Variants in ARB2A observed in about 807,000 individuals in gnomAD.
ARB2A encodes ARB2 cotranscriptional regulator A, also known as cotranscriptional regulator ARB2A.
the ARB2A span, chr5:93,682,803 G>A: frequency 3.0e-5 from 34 of 1,126,744 alleles, no homozygotes; most frequent in East Asian, 4.7e-5. Context: ...GAAATAAGAC[G>A]GAAAATTTTT....
chr5:94,072,759 C>T, the ARB2A span, among the ~76,000 whole-genome samples: 1 of 152,050 alleles, frequency 6.6e-6, no homozygotes, highest in Non-Finnish European at 1.5e-5. Flanking sequence ...TTAAGAAATG[C>T]AAGAATTCTT....
chr5:93,807,304 A>G, the ARB2A span, among the ~76,000 whole-genome samples: 1 of 151,978 alleles, frequency 6.6e-6, no homozygotes, highest in African/African-American at 2.4e-5. Context: ...GATTTGGTTG[A>G]AAAATGCTCA....
the ARB2A span, among the ~76,000 whole-genome samples, chr5:94,008,929 T>A: frequency 6.6e-6 from 1 of 152,170 alleles, no homozygotes; most frequent in Non-Finnish European, 1.5e-5. Context: ...AATTCATTTC[T>A]TGGCACTTTT....
At chr5:93,839,762 A>G in the ARB2A span, among the ~76,000 whole-genome samples, 1 of 151,770 alleles carries the variant, frequency 6.6e-6, no homozygotes, top group Admixed American at 6.6e-5. Context: ...GGGAGGTTGT[A>G]TATGTCCAGG....
chr5:94,090,404 T>A, the ARB2A span, among the ~76,000 whole-genome samples: 1 of 152,226 alleles, frequency 6.6e-6, no homozygotes, highest in Non-Finnish European at 1.5e-5. Context: ...AAGTTGCTTA[T>A]CAGCTTAAGG....
chr5:93,711,728 T>C, the ARB2A span, among the ~76,000 whole-genome samples: 1 of 152,258 alleles, frequency 6.6e-6, no homozygotes, highest in African/African-American at 2.4e-5. Flanking sequence ...AGCAGCTCGG[T>C]AGCACAGCAG....
the ARB2A span, among the ~76,000 whole-genome samples, chr5:94,050,031 C>T: frequency 6.6e-6 from 1 of 151,956 alleles, no homozygotes. Flanking sequence ...CCTTGACTTC[C>T]TGGGCTCAAG....
the ARB2A span, among the ~76,000 whole-genome samples, chr5:94,073,620 A>G: frequency 1.3e-5 from 2 of 152,136 alleles, no homozygotes; most frequent in East Asian, 3.9e-4. Flanking sequence ...AAGGCTGAAC[A>G]TGCACAAAAT....
the ARB2A span, among the ~76,000 whole-genome samples, chr5:93,657,711 A>C: frequency 1.3e-5 from 2 of 152,178 alleles, no homozygotes; most frequent in Non-Finnish European, 2.9e-5. Context: ...TCCAAGACTC[A>C]CCTGCCTTAT....
At chr5:94,010,028 G>C in the ARB2A span, among the ~76,000 whole-genome samples, 1 of 150,196 alleles carries the variant, frequency 6.7e-6, no homozygotes, top group African/African-American at 2.4e-5. Flanking sequence ...TTATTGCATT[G>C]CTCTCTTCTA....
chr5:93,656,482 C>A, the ARB2A span, among the ~76,000 whole-genome samples: 1 of 152,104 alleles, frequency 6.6e-6, no homozygotes, highest in African/African-American at 2.4e-5. Flanking sequence ...GAATTCAATG[C>A]CACTTTCTGG....
At chr5:93,832,109 C>T in the ARB2A span, among the ~76,000 whole-genome samples, 3 of 152,262 alleles carry the variant, frequency 2.0e-5, no homozygotes, top group East Asian at 3.9e-4. Flanking sequence ...GCTAGCAGGG[C>T]AGCACCAGAC....
At chr5:93,798,044 G>A in the ARB2A span, among the ~76,000 whole-genome samples, 1 of 152,026 alleles carries the variant, frequency 6.6e-6, no homozygotes, top group Non-Finnish European at 1.5e-5. Flanking sequence ...TGAGGGGAAC[G>A]TTTATTGTAA....
chr5:93,677,258 T>C, the ARB2A span, among the ~76,000 whole-genome samples: 2 of 152,286 alleles, frequency 1.3e-5, no homozygotes, highest in African/African-American at 2.4e-5. Context: ...CAAAAGTTCA[T>C]GTAAAAAAAA....
the ARB2A span, chr5:93,740,593 C>T: frequency 1.3e-6 from 2 of 1,597,434 alleles, no homozygotes; most frequent in Non-Finnish European, 1.7e-6. Flanking sequence ...TCTGAGGAGG[C>T]CCAGAGTGGT....
At chr5:93,872,136 C>T in the ARB2A span, among the ~76,000 whole-genome samples, 17 of 151,764 alleles carry the variant, frequency 1.1e-4, no homozygotes, top group Admixed American at 2.0e-4. Context: ...TTAGTAGAGA[C>T]GGTGTTTCAC....
At chr5:93,958,941 T>G in the ARB2A span, 1 of 1,599,886 alleles carries the variant, frequency 6.3e-7, no homozygotes, top group South Asian at 1.1e-5. Flanking sequence ...AAGATAAAAC[T>G]CTTTGGTTCA....
At chr5:93,671,487 TA>T in the ARB2A span, among the ~76,000 whole-genome samples, 1 of 152,092 alleles carries the variant, frequency 6.6e-6, no homozygotes, top group Non-Finnish European at 1.5e-5. Context: ...TTCACATCCT[TA>T]AAAAACCCTT....
chr5:93,781,989 G>A, the ARB2A span: 4 of 939,208 alleles, frequency 4.3e-6, no homozygotes, highest in Non-Finnish European at 5.1e-6. Flanking sequence ...AAAAGGGGAG[G>A]AAGTTTCATC....
Sources: gnomAD v4.1 joint callset for allele counts (sites outside exome capture counted in the v4.1 genomes callset) on GRCh38, gnomAD v4.1.1 for gene constraint, MANE v1.5 for transcripts, NCBI Gene and HGNC (gene_info 2026-07-23, HGNC 2026-07-21) for gene names.